Variants in ATRX observed in about 807,000 individuals in gnomAD.
The protein encoded by ATRX is ATRX chromatin remodeler, also known as chromatin remodeler ATRX.
A neutral mutation model predicts 172.6 loss-of-function variants in ATRX; 12 were observed. The ratio of observed to expected loss-of-function variants is 0.07; its 90% CI spans 0.04 to 0.11. The LOEUF (loss-of-function observed/expected upper bound fraction) is 0.11, where lower values mean the gene tolerates loss of function less well. Ranked by LOEUF, ATRX falls within the 10% of genes least tolerant of loss-of-function variation. ATRX has a pLI of 1.00. For missense variants in ATRX, 1,368 were observed against 1,767.4 expected (o/e 0.77, Z 4.05); for synonymous variants, 674 against 594.7 (o/e 1.13, Z -1.94).
At chrX:77,745,675 T>G (rs955224719) in intron 1 of ATRX, among the ~76,000 whole-genome samples, 1 of 111,145 alleles carries the variant, frequency 9.0e-6, no homozygotes, top group Non-Finnish European at 1.9e-5. Context: ...TTAGATAGAA[T>G]GAATAAGACC....
At chrX:77,740,785 G>T (rs2074827188) in intron 1 of ATRX, among the ~76,000 whole-genome samples, 1 of 110,959 alleles carries the variant, frequency 9.0e-6, no homozygotes, top group Non-Finnish European at 1.9e-5. Flanking sequence ...GATTCTCAGG[G>T]AAACTCAAAA....
At chrX:77,624,321 C>T (rs2067726931) in intron 19 of ATRX, among the ~76,000 whole-genome samples, 1 of 110,570 alleles carries the variant, frequency 9.0e-6, no homozygotes, top group African/African-American at 3.3e-5. Context: ...GAGCCAAGAT[C>T]GCACCACTGC....
chrX:77,742,489 G>A (rs1379629132), intron 1 of ATRX, among the ~76,000 whole-genome samples: 4 of 111,879 alleles, frequency 3.6e-5, no homozygotes, highest in Non-Finnish European at 5.6e-5. Flanking sequence ...GGAACCTGGG[G>A]AATGGGGCAG....
chrX:77,548,160 G>A (rs2064316752), intron 30 of ATRX, among the ~76,000 whole-genome samples: 1 of 111,468 alleles, frequency 9.0e-6, no homozygotes, highest in Admixed American at 9.6e-5. Context: ...TGGTTGGCAA[G>A]TTATTTAGGA....
intron 25 of ATRX, chrX:77,594,066 A>C: frequency 2.8e-6 from 1 of 352,555 alleles, no homozygotes; most frequent in East Asian, 4.6e-5. Flanking sequence ...GAAAAAGAGA[A>C]AGGAAGGAGA....
intron 19 of ATRX, 90 bp downstream of exon 19, chrX:77,633,117 C>T (rs1195765854): frequency 1.1e-6 from 1 of 934,088 alleles, no homozygotes; most frequent in Non-Finnish European, 1.5e-6. Flanking sequence ...AGACCAGATA[C>T]TTAGTAGCTG....
intron 1 of ATRX, among the ~76,000 whole-genome samples, chrX:77,763,484 A>G (rs1905894380): frequency 9.7e-6 from 1 of 102,974 alleles, no homozygotes; most frequent in African/African-American, 3.5e-5. Flanking sequence ...AAAAAAAAAA[A>G]AAAAAAAAAT....
chrX:77,710,798 A>C (rs1951635437), intron 2 of ATRX, among the ~76,000 whole-genome samples: 1 of 111,322 alleles, frequency 9.0e-6, no homozygotes, highest in African/African-American at 3.3e-5. Context: ...GCATAGGCAG[A>C]GGTAGGCGGA....
rs781821279 is a variant in ATRX, at chrX:77,744,869, G to A, written c.21-27626C>T. ...GGGTTAGCCAGGCATGGTGGTGGGC[G>A]CCTGTAATCCCAGCTGCTTGGGAGG... On this transcript the variant is annotated intron_variant, in intron 1 of 34. Coordinates refer to ENST00000373344, the MANE Select transcript of ATRX (RefSeq NM_000489.6). Among the ~76,000 whole-genome samples the A allele has an allele frequency of 3.6e-5, 4 of 109,759 alleles. No individual in the cohort carries two copies. The South Asian group carries it at 1.2e-3, about 33-fold the overall frequency.
chrX:77,530,935 T>TC (rs1170616059), intron 30 of ATRX, among the ~76,000 whole-genome samples: 1 of 110,503 alleles, frequency 9.0e-6, no homozygotes, highest in Non-Finnish European at 1.9e-5. Context: ...AAAAATAAAA[T>TC]CAGAAATAAG....
intron 1 of ATRX, among the ~76,000 whole-genome samples, chrX:77,728,702 G>A (rs1358782506): frequency 2.7e-5 from 3 of 110,106 alleles, no homozygotes; most frequent in African/African-American, 9.9e-5. Flanking sequence ...CTTTGATCTA[G>A]TAATTCTATC....
chrX:77,698,967 T>A, intron 2 of ATRX: 1 of 238,753 alleles, frequency 4.2e-6, no homozygotes, highest in Non-Finnish European at 7.6e-6. Flanking sequence ...CAATAAAGTA[T>A]ATTTCATTTT....
chrX:77,515,975 C>G (rs1336328077), intron 34 of ATRX, among the ~76,000 whole-genome samples: 2 of 111,652 alleles, frequency 1.8e-5, no homozygotes, highest in Non-Finnish European at 3.8e-5. Flanking sequence ...AATGCAGGAA[C>G]AGGAAACCAA....
At chrX:77,748,985 G>C (rs2075200952) in intron 1 of ATRX, among the ~76,000 whole-genome samples, 1 of 111,055 alleles carries the variant, frequency 9.0e-6, no homozygotes. Context: ...TATATTTAGG[G>C]GGTACAAGTG....
chrX:77,553,409 A>G (rs782455033), intron 30 of ATRX, among the ~76,000 whole-genome samples: 1 of 111,768 alleles, frequency 8.9e-6, no homozygotes, highest in East Asian at 2.8e-4. Flanking sequence ...ACACTGATAC[A>G]TAAAATGATT....
chrX:77,682,789 TTTCTAA>T lies in ATRX; in HGVS notation c.2461_2466del (p.Leu821_Glu822del), dbSNP rs781862926. The T allele has an allele frequency of 8.3e-6, 10 of 1,208,638 alleles. No homozygotes were observed. In the African/African-American group the frequency reaches 1.8e-4, roughly 21 times the overall value. On this transcript the variant is annotated inframe_deletion, in exon 9 of 35. Coordinates refer to ENST00000373344, the MANE Select transcript of ATRX (RefSeq NM_000489.6). ...ATTTTACTCATGCTCTTTATCTCTT[TTTCTAA>T]TTCTGAGTCATAATTAGAAGACTCA... is the stretch of plus-strand genomic sequence containing the variant.
intron 30 of ATRX, among the ~76,000 whole-genome samples, chrX:77,546,924 T>C (rs1052278046): frequency 2.7e-5 from 3 of 112,303 alleles, no homozygotes; most frequent in African/African-American, 6.5e-5. Context: ...TTTGTTCACA[T>C]AGCACATTTT....
At chrX:77,575,705 T>G (rs2148025976) in intron 27 of ATRX, 1 of 111,837 alleles carries the variant, frequency 8.9e-6, no homozygotes, top group African/African-American at 3.2e-5. Context: ...TTTACTAACA[T>G]TTTCACTTAT....
At chrX:77,517,269 T>A (rs1034967475) in intron 34 of ATRX, among the ~76,000 whole-genome samples, 4 of 111,223 alleles carry the variant, frequency 3.6e-5, no homozygotes, top group Admixed American at 1.9e-4. Context: ...TAAACAAAAC[T>A]GACAAACCAT....
Sources: allele counts gnomAD v4.1 joint callset (sites outside exome capture counted in the v4.1 genomes callset), GRCh38; gene constraint gnomAD v4.1.1; transcripts MANE v1.5; gene names NCBI Gene and HGNC (gene_info 2026-07-23, HGNC 2026-07-21).